The following LILRB5 variants were observed in gnomAD, a reference collection of about 807,000 sequenced individuals.
The protein encoded by LILRB5 is leukocyte immunoglobulin-like receptor subfamily B member 5.
LILRB5 carries 61 observed loss-of-function variants against 68.4 expected under a neutral mutation model. The ratio of observed to expected loss-of-function variants is 0.89; its 90% confidence interval spans 0.73 to 1.10. LILRB5 has a LOEUF of 1.10. LILRB5 is among the 50% of genes least tolerant of loss of function. The pLI, the probability that LILRB5 is intolerant of heterozygous loss-of-function variation, is 0.00. For missense variants in LILRB5, 771 were observed against 751.6 expected (o/e 1.03, Z -0.30); for synonymous variants, 356 against 315.8 (o/e 1.13, Z -1.35).
At position 54,250,849 on chromosome 19, in the gene LILRB5, A is replaced by G. The variant is rs773392326; in HGVS notation, c.1713T>C (p.Pro571=). The change falls in exon 13 of 13, where the codon CCT becomes CCC. Residue 571 remains proline, a synonymous_variant. Transcript: ENST00000449561. ...LTLRREATEP[P]PSQEREPPAE... is the part of the protein sequence containing the mutation. ...CTGGAGGTTCCCTTTCCTGGGATGG[A>G]GGAGGCTCAGTTGCCTCCCGTCTGA... 3 of 1,613,284 alleles carry G rather than the reference A, an allele frequency of 1.9e-6. No homozygotes were observed. Among genetic ancestry groups the G allele is most frequent in the Non-Finnish European group, 1.7e-6 (2 of 1,179,884 alleles).
intron 4 of LILRB5, 193 bp from the exon 5 acceptor site, chr19:54,255,775 C>T: frequency 1.3e-6 from 1 of 755,136 alleles, no homozygotes; most frequent in South Asian, 1.9e-5. Context: ...CTCCTGGCCA[C>T]TGTCTGTCTG....
intron 12 of LILRB5, chr19:54,251,551 A>G (rs1397175747): frequency 1.8e-6 from 1 of 544,574 alleles, no homozygotes; most frequent in Non-Finnish European, 3.6e-6. Flanking sequence ...ACTGCCCCAC[A>G]CTCTCTGCCC....
At chr19:54,252,725 A>T in intron 9 of LILRB5, 146 bp downstream of exon 9, 1 of 995,986 alleles carries the variant, frequency 1.0e-6, no homozygotes, top group Non-Finnish European at 1.5e-6. Context: ...GCTCACATTT[A>T]TTCTCTTCTT....
rs868567460 is a variant in LILRB5, at chr19:54,254,876, G to A, written c.1114C>T (p.Gln372Ter). 1 of 1,614,136 alleles carries A rather than the reference G, an allele frequency of 6.2e-7. No homozygotes were observed. Among genetic ancestry groups the A allele is most frequent in the Non-Finnish European group, 8.5e-7 (1 of 1,180,000 alleles). The change falls in exon 6 of 13, where the codon CAG becomes TAG. Residue 372 changes from glutamine to a stop codon, truncating the protein, a stop_gained. Coordinates refer to ENST00000449561, the MANE Select transcript of LILRB5 (RefSeq NM_001081442.3). LOFTEE classifies it high-confidence loss of function. ...AATTCAGCCTGGTGTCTATAAGACTGGTACTTTGACTTTAGACACAGCGGG... is the reference window on the plus strand; with the variant it reads ...AATTCAGCCTGGTGTCTATAAGACTAGTACTTTGACTTTAGACACAGCGGG... The part of the protein sequence containing the change: ...HPPLCLKSKY[Q>*]SYRHQAEFSM...
intron 9 of LILRB5, 35 bp downstream of exon 9, chr19:54,252,836 C>T (rs369106962): frequency 1.5e-5 from 23 of 1,561,322 alleles, no homozygotes; most frequent in Middle Eastern, 1.7e-4. Context: ...AGCCCACCCT[C>T]GGTCGGCCCA....
rs1398366128 is a variant in LILRB5, at chr19:54,254,323, G to A, written c.1306+42C>T. The A allele has an allele frequency of 5.2e-6, 8 of 1,547,382 alleles. No homozygotes were observed. The African/African-American group carries it at 5.5e-5, about 11-fold the overall frequency. On this transcript the variant is annotated intron_variant, in intron 7 of 12. Coordinates refer to ENST00000449561, the MANE Select transcript of LILRB5 (RefSeq NM_001081442.3). The stretch of plus-strand genomic sequence containing the variant: ...GGGGAGACTCAGGGCTGCCTGGGGG[G>A]AGACCACGCTCCCTCCGAGCCCAGA...
chr19:54,251,709 C>T (rs111901459), intron 12 of LILRB5: 90,021 of 645,690 alleles, frequency 0.14, 6,297 homozygotes, highest in Middle Eastern at 0.18. Context: ...GAGCCCCATC[C>T]ACAGTGAGCT....
Position 54,256,028 on chromosome 19 carries a change from T to C in LILRB5, c.655+15A>G. The C allele has an allele frequency of 6.6e-6, 10 of 1,523,358 alleles. No individual in the cohort carries two copies. The highest frequency in any genetic ancestry group is 8.8e-6 in the Non-Finnish European group (10 of 1,138,636). 94.4% of individuals were successfully genotyped at this position (1,523,358 alleles called of 1,614,324 possible). On this transcript the variant is annotated intron_variant, in intron 4 of 12. Coordinates refer to ENST00000449561, the MANE Select transcript of LILRB5 (RefSeq NM_001081442.3). ...TTCCCCAAAATTATATAAAGAAGTGTGGTGGCTTTTTCACCTGGGACCAGA... is the reference window on the plus strand; with the variant it reads ...TTCCCCAAAATTATATAAAGAAGTGCGGTGGCTTTTTCACCTGGGACCAGA...
chr19:54,254,005 G>T lies in LILRB5; in HGVS notation c.1357+13C>A. 1 of 1,583,734 alleles carries T rather than the reference G, an allele frequency of 6.3e-7. No individual in the cohort carries two copies. Among genetic ancestry groups the T allele is most frequent in the East Asian group, 2.3e-5 (1 of 43,674 alleles). On this transcript the variant is annotated intron_variant, in intron 8 of 12. Coordinates refer to ENST00000449561, the MANE Select transcript of LILRB5 (RefSeq NM_001081442.3). ...GGTCTCCGCCCACCTCCCACTCAGA[G>T]CCCCTCACTCACCACTCTGGGGATC... is the stretch of plus-strand genomic sequence containing the variant.
At chr19:54,254,608 C>T (rs1055641726) in intron 6 of LILRB5, 127 bp downstream of exon 6, 2 of 1,313,652 alleles carry the variant, frequency 1.5e-6, no homozygotes. Context: ...GGGTGAGTCT[C>T]CCTCTGGCTG....
rs536306133 is a variant in LILRB5 at position 54,257,256 on chromosome 19, C to G, written c.-63G>C. ...TGAGACCACGGTGCCTGGCAGGACACAAAAACACGCAGAGTGTGGACTGGA... is the reference window on the plus strand; with the variant it reads ...TGAGACCACGGTGCCTGGCAGGACAGAAAAACACGCAGAGTGTGGACTGGA... On this transcript the variant is annotated 5_prime_UTR_variant, in exon 1 of 13. Coordinates refer to ENST00000449561, the MANE Select transcript of LILRB5 (RefSeq NM_001081442.3). 1 of 1,602,526 alleles carries G rather than the reference C, an allele frequency of 6.2e-7. No individual in the cohort carries two copies. The highest frequency in any genetic ancestry group is 8.5e-7 in the Non-Finnish European group (1 of 1,170,082).
rs1165946402 is a variant in LILRB5, at chr19:54,250,130, C to T, written c.*656G>A. 2.0e-5 allele frequency: 3 copies of T among 152,712 alleles called. No individual in the cohort carries two copies. The highest frequency in any genetic ancestry group is 6.5e-5 in the Admixed American group (1 of 15,346). The allele number at this position is 152,712 out of a possible 1,614,324, so 9.5% of individuals were successfully genotyped here. Reference sequence around the variant, plus strand: ...GTCTAACAAACCTGCACATGTATCCCTGAACTTAAAAGTGAAAAAAATAAA... The same window carrying T: ...GTCTAACAAACCTGCACATGTATCCTTGAACTTAAAAGTGAAAAAAATAAA... On this transcript the variant is annotated 3_prime_UTR_variant, in exon 13 of 13. Transcript: ENST00000449561.
At position 54,252,967 on chromosome 19, in the gene LILRB5, C is replaced by A. The variant is rs750857229; in HGVS notation, c.1378G>T (p.Val460Phe). 2 of 1,558,290 alleles carry A rather than the reference C, an allele frequency of 1.3e-6. No individual in the cohort carries two copies. Among genetic ancestry groups the A allele is most frequent in the Admixed American group, 1.7e-5 (1 of 57,974 alleles). ...AAGGCCACTGAGACCCCAGTCACAA[C>A]CCCCAGGTGCCTTCCCAGACCTTGA... Reference protein sequence around the residue: ...PQSGLGRHLGVVTGVSVAFVL... With the variant: ...PQSGLGRHLGFVTGVSVAFVL... The change falls in exon 9 of 13, where the codon GTT becomes TTT. Residue 460 changes from valine (V) to phenylalanine (F), a missense_variant. Val to Phe is a conservative substitution (Grantham distance 50, BLOSUM62 -1). Coordinates refer to ENST00000449561, the MANE Select transcript of LILRB5 (RefSeq NM_001081442.3).
intron 5 of LILRB5, 43 bp downstream of exon 5, chr19:54,255,243 G>T (rs561695381): frequency 1.1e-4 from 177 of 1,602,400 alleles, no homozygotes; most frequent in Non-Finnish European, 3.4e-6. Context: ...GGCAGGACCT[G>T]TGCAGAGCCT....
intron 8 of LILRB5, chr19:54,253,732 T>TG: frequency 8.8e-7 from 1 of 1,135,414 alleles, no homozygotes; most frequent in Non-Finnish European, 1.3e-6. Context: ...TCTCTGCACC[T>TG]GAGCGGAGCC....
rs1026649197 is a variant in LILRB5 at position 54,255,402 on chromosome 19, T to G, written c.836A>C (p.Asn279Thr). ...GCGGCTCACAGGGCCCAGGGTGAAG[T>G]TGGCCTGGGAGAGCCCAGCCTGGGG... ...QQPQAGLSQA[N>T]FTLGPVSRSH... Residue 279 changes from asparagine to threonine, a missense_variant, in exon 5 of 13, where the codon AAC becomes ACC. Coordinates refer to ENST00000449561, the MANE Select transcript of LILRB5 (RefSeq NM_001081442.3). 6.2e-7 allele frequency: 1 copy of G among 1,614,014 alleles called. No homozygotes were observed. The highest frequency in any genetic ancestry group is 1.1e-5 in the South Asian group (1 of 91,088).
rs1232622027 is a variant in LILRB5 at position 54,254,723 on chromosome 19, C to T, written c.1255+12G>A. On this transcript the variant is annotated intron_variant, in intron 6 of 12. Coordinates refer to ENST00000449561, the MANE Select transcript of LILRB5 (RefSeq NM_001081442.3). ...CCTTTGAGCTTGGACAGGACAGGGT[C>T]AGGGCCCTCACCTGAGACCACGAGC... is the stretch of plus-strand genomic sequence containing the variant. 1 of 1,613,622 alleles carries T rather than the reference C, an allele frequency of 6.2e-7. No individual in the cohort carries two copies. The highest frequency in any genetic ancestry group is 8.5e-7 in the Non-Finnish European group (1 of 1,179,742).
intron 7 of LILRB5, 146 bp downstream of exon 7, chr19:54,254,219 C>T (rs942916615): frequency 5.6e-5 from 81 of 1,453,896 alleles, no homozygotes; most frequent in Non-Finnish European, 6.9e-5. Flanking sequence ...CCCCGGGGAG[C>T]CTGTGGCCCC....
intron 4 of LILRB5, 115 bp downstream of exon 4, chr19:54,255,928 G>T: frequency 1.1e-6 from 1 of 890,544 alleles, no homozygotes; most frequent in South Asian, 1.8e-5. Context: ...CACGCCTTCA[G>T]CCCATCCATC....
Sources: allele counts gnomAD v4.1 joint callset, GRCh38; gene constraint gnomAD v4.1.1; transcripts MANE v1.5; gene names NCBI Gene and HGNC (gene_info 2026-07-23, HGNC 2026-07-21).